The following TMOD1 variants were observed in gnomAD, a reference collection of about 807,000 sequenced individuals.
TMOD1 encodes tropomodulin 1, also known as tropomodulin-1.
In TMOD1, 17 loss-of-function variants were observed where a neutral mutation model predicts 40.6. The ratio of observed to expected loss-of-function variants is 0.42; its 90% CI spans 0.29 to 0.63. The LOEUF (loss-of-function observed/expected upper bound fraction) is 0.63. Ranked by LOEUF, TMOD1 falls within the 20% of genes least tolerant of loss-of-function variation. The pLI, the probability that TMOD1 is intolerant of heterozygous loss-of-function variation, is 0.22. For missense variants in TMOD1, 391 were observed against 447.6 expected, an observed-to-expected ratio of 0.87 and a Z score of 1.14; for synonymous variants, 181 against 175.0, an observed-to-expected ratio of 1.03 and a Z score of -0.27.
chr9:97,531,042 C>CCT (rs1554754348), intron 2 of TMOD1, among the ~76,000 whole-genome samples: 1 of 138,318 alleles, frequency 7.2e-6, no homozygotes, highest in Non-Finnish European at 1.6e-5. Flanking sequence ...CACCCACCCC[C>CCT]CCCACCACCC....
At chr9:97,515,282 GTTTTGT>G (rs1829787612) in intron 1 of TMOD1, among the ~76,000 whole-genome samples, 1 of 151,080 alleles carries the variant, frequency 6.6e-6, no homozygotes. Context: ...TTGATACTTT[GTTTTGT>G]TTTTGTTTTG....
intron 1 of TMOD1, among the ~76,000 whole-genome samples, chr9:97,504,205 A>C (rs1273684308): frequency 6.6e-6 from 1 of 152,188 alleles, no homozygotes; most frequent in Non-Finnish European, 1.5e-5. Flanking sequence ...TGTGAGAATT[A>C]AGTGAGATGA....
At chr9:97,597,639 A>G (rs1324935824) in intron 9 of TMOD1, among the ~76,000 whole-genome samples, 1 of 140,498 alleles carries the variant, frequency 7.1e-6, no homozygotes, top group African/African-American at 2.7e-5. Flanking sequence ...CGGAGACTGC[A>G]GTGAGCCAAG....
chr9:97,593,090 T>G (rs1250478827), intron 9 of TMOD1, among the ~76,000 whole-genome samples: 1 of 152,228 alleles, frequency 6.6e-6, no homozygotes, highest in Admixed American at 6.5e-5. Context: ...CTATTCTATA[T>G]GCAATAATCT....
rs188758798 is a variant in TMOD1, at chr9:97,600,447, T to C, written c.*749T>C. On this transcript the variant is annotated 3_prime_UTR_variant, in exon 10 of 10. Coordinates refer to ENST00000259365, the MANE Select transcript of TMOD1 (RefSeq NM_003275.4). ...TTTATGTACAATTTAATACTGGAGT[T>C]AGAACTTTTTCCTTATTGAATGCCA... 5.8e-5 allele frequency: 57 copies of C among 985,666 alleles called. No homozygotes were observed. The African/African-American group carries it at 9.9e-4, about 17-fold the overall frequency. 61.1% of individuals were successfully genotyped at this position (985,666 alleles called of 1,614,324 possible). A position where few individuals can be genotyped will look rare whatever the true frequency, so the allele number is the denominator to read the frequency against.
intron 2 of TMOD1, among the ~76,000 whole-genome samples, chr9:97,536,162 A>G (rs1830180746): frequency 6.6e-6 from 1 of 152,254 alleles, no homozygotes; most frequent in South Asian, 2.1e-4. Flanking sequence ...AGAACTCTGT[A>G]TATTGGGATG....
intron 1 of TMOD1, among the ~76,000 whole-genome samples, chr9:97,523,401 G>A (rs1288477480): frequency 1.3e-5 from 2 of 152,296 alleles, no homozygotes; most frequent in East Asian, 3.9e-4. Flanking sequence ...TGGGGGCTCT[G>A]GACTAGGCAG....
chr9:97,580,769 G>T (rs1353820087), intron 8 of TMOD1, among the ~76,000 whole-genome samples: 1 of 152,006 alleles, frequency 6.6e-6, no homozygotes, highest in Admixed American at 6.6e-5. Flanking sequence ...TCCATCACAG[G>T]GATCTCTCAT....
chr9:97,562,899 A>G (rs1830662826), intron 5 of TMOD1, 78 bp downstream of exon 5: 5 of 1,224,848 alleles, frequency 4.1e-6, no homozygotes, highest in Middle Eastern at 3.8e-4. Context: ...GGCTCATTGC[A>G]GAAGTTTTAA....
At chr9:97,584,727 G>T (rs1224420191) in intron 8 of TMOD1, among the ~76,000 whole-genome samples, 1 of 152,004 alleles carries the variant, frequency 6.6e-6, no homozygotes, top group Non-Finnish European at 1.5e-5. Context: ...AGCTCTTCTT[G>T]TTGAATTGAT....
At chr9:97,529,700 C>G (rs1303907293) in intron 2 of TMOD1, among the ~76,000 whole-genome samples, 1 of 152,212 alleles carries the variant, frequency 6.6e-6, no homozygotes, top group African/African-American at 2.4e-5. Context: ...TCTCATCTCT[C>G]TGGAGTTAAG....
chr9:97,581,427 C>T (rs913056999), intron 8 of TMOD1, among the ~76,000 whole-genome samples: 2 of 151,848 alleles, frequency 1.3e-5, no homozygotes, highest in Non-Finnish European at 2.9e-5. Context: ...CAAGTCTTTG[C>T]GATTGTGAAT....
intron 8 of TMOD1, among the ~76,000 whole-genome samples, chr9:97,586,370 C>A (rs1306076733): frequency 1.3e-5 from 2 of 151,934 alleles, no homozygotes; most frequent in African/African-American, 4.8e-5. Flanking sequence ...GTTCTCAGAT[C>A]TCCAGCTGCG....
intron 2 of TMOD1, among the ~76,000 whole-genome samples, chr9:97,542,775 G>A (rs1441379208): frequency 5.3e-5 from 8 of 150,948 alleles, no homozygotes; most frequent in African/African-American, 1.2e-4. Context: ...GCTTGAACCC[G>A]GGAGGCAGAA....
At chr9:97,587,465 A>T (rs755902306) in intron 8 of TMOD1, among the ~76,000 whole-genome samples, 21 of 152,126 alleles carry the variant, frequency 1.4e-4, no homozygotes, top group Non-Finnish European at 2.8e-4. Context: ...CATTTCTGTG[A>T]TAGGTCATGA....
chr9:97,514,469 A>G (rs1173911755), intron 1 of TMOD1, among the ~76,000 whole-genome samples: 4 of 152,104 alleles, frequency 2.6e-5, no homozygotes, highest in African/African-American at 7.2e-5. Flanking sequence ...TGAAGTTTCA[A>G]TGAAGTATGT....
chr9:97,584,230 C>A (rs1268572942), intron 8 of TMOD1, among the ~76,000 whole-genome samples: 1 of 152,200 alleles, frequency 6.6e-6, no homozygotes, highest in African/African-American at 2.4e-5. Context: ...CAAAGAACAA[C>A]TTTATTTCTG....
intron 1 of TMOD1, among the ~76,000 whole-genome samples, chr9:97,511,564 C>G (rs1278492737): frequency 6.6e-6 from 1 of 152,124 alleles, no homozygotes; most frequent in South Asian, 2.1e-4. Flanking sequence ...CCAGTGTACC[C>G]CTGGGCAGTT....
chr9:97,503,366 T>C (rs965225156), intron 1 of TMOD1, among the ~76,000 whole-genome samples: 2 of 152,218 alleles, frequency 1.3e-5, no homozygotes, highest in African/African-American at 4.8e-5. Flanking sequence ...CATCCTGAAG[T>C]TTCCTTTTTG....
Sources: allele counts gnomAD v4.1 joint callset (sites outside exome capture counted in the v4.1 genomes callset), GRCh38; gene constraint gnomAD v4.1.1; transcripts MANE v1.5; gene names NCBI Gene and HGNC (gene_info 2026-07-23, HGNC 2026-07-21).